The following PLXNA2 variants were observed in gnomAD, a reference collection of about 807,000 sequenced individuals.
The protein encoded by PLXNA2 is plexin-A2.
In PLXNA2, 91 loss-of-function variants were observed where a neutral mutation model predicts 193.5. The observed-to-expected ratio is 0.47, with a 90% CI of 0.40 to 0.56. PLXNA2 has a LOEUF of 0.56. Among genes scored for constraint, PLXNA2 ranks in the 20% least tolerant of loss-of-function variants. The probability of loss-of-function intolerance (pLI) is 0.00; values close to 1 mark genes in which losing one functional copy is unlikely to be tolerated. For missense variants in PLXNA2, 1,995 were observed against 2,503.2 expected (o/e 0.80, Z 4.33); for synonymous variants, 997 against 1,027.3 (o/e 0.97, Z 0.56).
intron 4 of PLXNA2, among the ~76,000 whole-genome samples, chr1:208,104,545 T>A (rs971521528): frequency 1.3e-5 from 2 of 151,908 alleles, no homozygotes; most frequent in Non-Finnish European, 2.9e-5. Context: ...GGTGTAGGGG[T>A]GCCTTGAAGG....
At chr1:208,041,797 G>C (rs1664879471) in intron 22 of PLXNA2, among the ~76,000 whole-genome samples, 1 of 152,210 alleles carries the variant, frequency 6.6e-6, no homozygotes, top group African/African-American at 2.4e-5. Context: ...CAACAGAGTG[G>C]TTACAACACT....
intron 3 of PLXNA2, among the ~76,000 whole-genome samples, chr1:208,194,040 G>A (rs1022916752): frequency 1.1e-4 from 17 of 152,082 alleles, no homozygotes; most frequent in Non-Finnish European, 1.3e-4. Context: ...AGCTTAGGGC[G>A]CATAGCTCTG....
intron 3 of PLXNA2, among the ~76,000 whole-genome samples, chr1:208,156,663 G>C (rs1197602677): frequency 6.6e-6 from 1 of 152,124 alleles, no homozygotes; most frequent in Non-Finnish European, 1.5e-5. Flanking sequence ...ACATCTTACT[G>C]TCTGTCATTT....
chr1:208,226,492 A>C (rs1671514974), intron 1 of PLXNA2, among the ~76,000 whole-genome samples: 1 of 152,088 alleles, frequency 6.6e-6, no homozygotes, highest in Admixed American at 6.5e-5. Flanking sequence ...TGAATTATGA[A>C]GGGTTCCAAG....
chr1:208,102,041 G>A (rs1276919498), intron 5 of PLXNA2, among the ~76,000 whole-genome samples: 1 of 152,214 alleles, frequency 6.6e-6, no homozygotes, highest in East Asian at 1.9e-4. Flanking sequence ...CCTAAATGGA[G>A]ACACACTGTC....
At chr1:208,127,899 C>A (rs1668023747) in intron 4 of PLXNA2, among the ~76,000 whole-genome samples, 1 of 152,214 alleles carries the variant, frequency 6.6e-6, no homozygotes, top group Non-Finnish European at 1.5e-5. Flanking sequence ...ATAGCTCTGA[C>A]TGCCCCTCCT....
chr1:208,060,456 C>T lies in PLXNA2; in HGVS notation c.2738+230G>A, dbSNP rs566472616. ...AGACTGAATGAGGGACGGTCAGGGC[C>T]GGAGCCCTGATGCCAGAAGAGTCAG... On this transcript the variant is annotated intron_variant, in intron 13 of 31. Coordinates refer to ENST00000367033, the MANE Select transcript of PLXNA2 (RefSeq NM_025179.4). Among the ~76,000 whole-genome samples, 37 of 152,182 alleles carry T rather than the reference C, an allele frequency of 2.4e-4. 4 individuals are homozygous for T. Among genetic ancestry groups the T allele is most frequent in the African/African-American group, 7.7e-4 (32 of 41,508 alleles).
intron 14 of PLXNA2, among the ~76,000 whole-genome samples, 192 bp from the exon 15 acceptor site, chr1:208,052,655 G>A (rs1243911247): frequency 6.6e-6 from 1 of 152,138 alleles, no homozygotes; most frequent in Non-Finnish European, 1.5e-5. Context: ...CTCTGGGCAT[G>A]TCCGGGAAGG....
At chr1:208,189,740 T>C (rs879422542) in intron 3 of PLXNA2, among the ~76,000 whole-genome samples, 5 of 152,170 alleles carry the variant, frequency 3.3e-5, no homozygotes, top group Non-Finnish European at 5.9e-5. Context: ...TCTTAGATGA[T>C]AGGATTTGAA....
At chr1:208,098,454 TCTCTCACA>T (rs755721334) in intron 6 of PLXNA2, among the ~76,000 whole-genome samples, 146 of 106,074 alleles carry the variant, frequency 1.4e-3, no homozygotes, top group African/African-American at 3.1e-3. Context: ...TCTCTCTCTC[TCTCTCACA>T]CACACACACA....
At position 208,054,492 on chromosome 1, in the gene PLXNA2, G is replaced by A. The variant is rs1452542589; in HGVS notation, c.2785C>T (p.Pro929Ser). ...CACTCGCCAATACACAGGCGTACTG[G>A]CCCGGAGGTGGTTCCCACGAGGGCA... ...GHALVGTTSG[P>S]VRLCIGECKP... The change falls in exon 14 of 32, where the codon CCA becomes TCA. Residue 929 changes from proline (P) to serine (S), a missense_variant. Physicochemically the swap from Pro to Ser is moderately conservative, Grantham distance 74 (BLOSUM62 -1). This residue lies in a region of PLXNA2 where 1,291 missense variants were observed against 1,673.6 expected (regional missense o/e 0.77). Transcript: ENST00000367033. 46 of 1,614,130 alleles carry A rather than the reference G, an allele frequency of 2.8e-5. No individual in the cohort carries two copies. The highest frequency in any genetic ancestry group is 3.8e-5 in the Non-Finnish European group (45 of 1,180,036).
chr1:208,029,400 C>T (rs1664431627), intron 29 of PLXNA2: 1 of 1,072,422 alleles, frequency 9.3e-7, no homozygotes, highest in African/African-American at 1.7e-5. Flanking sequence ...CACAAAGCCA[C>T]CAGGCTCCTG....
chr1:208,148,555 G>C (rs1668665967), intron 3 of PLXNA2, among the ~76,000 whole-genome samples: 1 of 152,198 alleles, frequency 6.6e-6, no homozygotes, highest in South Asian at 2.1e-4. Context: ...AATGTAAAAT[G>C]AGTTATTAGC....
At chr1:208,041,821 A>G (rs1433239450) in intron 22 of PLXNA2, among the ~76,000 whole-genome samples, 6 of 152,254 alleles carry the variant, frequency 3.9e-5, no homozygotes, top group African/African-American at 7.2e-5. Flanking sequence ...CAGAAATCAC[A>G]GAGCTAGCAG....
chr1:208,125,009 G>A (rs1211020541), intron 4 of PLXNA2, among the ~76,000 whole-genome samples: 1 of 152,152 alleles, frequency 6.6e-6, no homozygotes, highest in Non-Finnish European at 1.5e-5. Flanking sequence ...TCAGTGACTA[G>A]TATCTCCGGT....
At chr1:208,166,181 A>AG (rs1181408360) in intron 3 of PLXNA2, among the ~76,000 whole-genome samples, 1 of 152,232 alleles carries the variant, frequency 6.6e-6, no homozygotes, top group African/African-American at 2.4e-5. Flanking sequence ...AGGGAAAAAA[A>AG]TCTCGATAAC....
chr1:208,147,812 C>T (rs1668645164), intron 3 of PLXNA2, among the ~76,000 whole-genome samples: 1 of 152,144 alleles, frequency 6.6e-6, no homozygotes, highest in African/African-American at 2.4e-5. Context: ...ATCTAAAAGT[C>T]CAAATTTCCC....
rs1017572498 is a variant in PLXNA2 at position 208,236,553 on chromosome 1, T to C, written c.-81+7090A>G. ...CTGGCCGGCTGCTCCCTCTAACCCC[T>C]GCTCAAAGGTAAAAAGACCTGCCCA... On this transcript the variant is annotated intron_variant, in intron 1 of 31. Transcript: ENST00000367033. The surrounding 1 kb of genome is among the most constrained non-coding windows in gnomAD (Gnocchi z 4.4). 6.6e-6 allele frequency among the ~76,000 whole-genome samples: 1 copy of C among 152,176 alleles called. No individual in the cohort carries two copies. The highest frequency in any genetic ancestry group is 2.4e-5 in the African/African-American group (1 of 41,448).
intron 3 of PLXNA2, among the ~76,000 whole-genome samples, chr1:208,147,839 C>T (rs1423111117): frequency 1.3e-5 from 2 of 152,158 alleles, no homozygotes; most frequent in Admixed American, 1.3e-4. Context: ...CCACTCTTCC[C>T]CCTTTAGGAT....
Sources: gnomAD v4.1 joint callset for allele counts (sites outside exome capture counted in the v4.1 genomes callset) on GRCh38, gnomAD v4.1.1 for gene constraint, gnomAD v4.1.1 regional missense constraint, Gnocchi (gnomAD v3.1) non-coding constraint, MANE v1.5 for transcripts, NCBI Gene and HGNC (gene_info 2026-07-23, HGNC 2026-07-21) for gene names.